Variants in ALCAM observed in about 807,000 individuals in gnomAD.
ALCAM encodes activated leukocyte cell adhesion molecule.
A neutral mutation model predicts 70.9 loss-of-function variants in ALCAM; 30 were observed. The observed-to-expected ratio is 0.42, with a 90% CI of 0.32 to 0.57. The LOEUF (loss-of-function observed/expected upper bound fraction) is 0.57, where lower values mean the gene tolerates loss of function less well. ALCAM is among the 20% of genes least tolerant of loss of function. The probability of loss-of-function intolerance (pLI) is 0.11; values close to 1 mark genes in which losing one functional copy is unlikely to be tolerated. For synonymous variants in ALCAM, 249 were observed against 242.5 expected (o/e 1.03, Z -0.25); for missense variants, 591 against 695.1 (o/e 0.85, Z 1.68).
chr3:105,438,660 A>G (rs554092565), intron 1 of ALCAM, among the ~76,000 whole-genome samples: 38 of 152,332 alleles, frequency 2.5e-4, no homozygotes, highest in African/African-American at 7.9e-4. Flanking sequence ...AATGTTGACT[A>G]ATGACAAAAA....
chr3:105,557,531 T>G (rs1304678872), intron 14 of ALCAM, among the ~76,000 whole-genome samples: 1 of 152,146 alleles, frequency 6.6e-6, no homozygotes, highest in Admixed American at 6.6e-5. Flanking sequence ...TTTCATTTTT[T>G]TAAAAAAGAT....
At chr3:105,471,409 A>G (rs1937922377) in intron 1 of ALCAM, among the ~76,000 whole-genome samples, 1 of 151,292 alleles carries the variant, frequency 6.6e-6, no homozygotes, top group Non-Finnish European at 1.5e-5. Flanking sequence ...AAGTGCACAA[A>G]TGGAAAATGG....
intron 7 of ALCAM, among the ~76,000 whole-genome samples, chr3:105,540,706 A>G (rs1050250825): frequency 2.6e-4 from 39 of 152,006 alleles, no homozygotes; most frequent in African/African-American, 8.5e-4. Flanking sequence ...CGCTCTGAGG[A>G]TGCCTGTTTG....
Position 105,574,610 on chromosome 3 carries a change from A to G in ALCAM, c.*159A>G, listed in dbSNP as rs1940922996. On this transcript the variant is annotated 3_prime_UTR_variant, in exon 16 of 16. Coordinates refer to ENST00000306107, the MANE Select transcript of ALCAM (RefSeq NM_001627.4). ...CCAAGCTGTCACAGGTTTTCAGAGAATTATCTCAAGTAAAACAAATGAAAT... is the reference window on the plus strand; with the variant it reads ...CCAAGCTGTCACAGGTTTTCAGAGAGTTATCTCAAGTAAAACAAATGAAAT... 1 of 152,650 alleles carries G rather than the reference A, an allele frequency of 6.6e-6. No individual in the cohort carries two copies. Among genetic ancestry groups the G allele is most frequent in the African/African-American group, 2.4e-5 (1 of 41,456 alleles). 9.5% of individuals were successfully genotyped at this position (152,650 alleles called of 1,614,324 possible). A position where few individuals can be genotyped will look rare whatever the true frequency, so the allele number is the denominator to read the frequency against.
intron 1 of ALCAM, among the ~76,000 whole-genome samples, chr3:105,485,504 T>C (rs1559807391): frequency 1.3e-5 from 2 of 152,022 alleles, no homozygotes; most frequent in Admixed American, 6.6e-5. Context: ...CAGTACATTT[T>C]AACCCAGAAA....
chr3:105,415,681 T>C (rs1421832877), intron 1 of ALCAM, among the ~76,000 whole-genome samples: 1 of 152,138 alleles, frequency 6.6e-6, no homozygotes, highest in Admixed American at 6.6e-5. Context: ...AAAATATTTG[T>C]TTTCTTTCTG....
chr3:105,568,063 A>ATTTTTTTTTTTTTTTTTTATTATTTTT (rs71111369), intron 14 of ALCAM, among the ~76,000 whole-genome samples: 1 of 116,956 alleles, frequency 8.6e-6, no homozygotes, highest in Non-Finnish European at 1.8e-5. Context: ...ATTTTATTTT[A>ATTTTTTTTTTTTTTTTTTATTATTTTT]TTTTTTTTTT....
At chr3:105,499,460 TC>T (rs1192520504) in intron 1 of ALCAM, among the ~76,000 whole-genome samples, 9 of 152,300 alleles carry the variant, frequency 5.9e-5, no homozygotes, top group Admixed American at 5.9e-4. Flanking sequence ...CTTTCTAAAT[TC>T]CAGGCCAAAA....
At chr3:105,394,268 T>C (rs1252723951) in intron 1 of ALCAM, among the ~76,000 whole-genome samples, 1 of 151,994 alleles carries the variant, frequency 6.6e-6, no homozygotes, top group Non-Finnish European at 1.5e-5. Context: ...CCCTGACATA[T>C]GACTCACTAC....
intron 1 of ALCAM, among the ~76,000 whole-genome samples, chr3:105,409,715 A>C (rs577409950): frequency 1.3e-5 from 2 of 152,186 alleles, no homozygotes; most frequent in South Asian, 4.1e-4. Context: ...ATTAAAAAAA[A>C]ATTAAAAAGA....
chr3:105,465,901 A>G (rs572946255), intron 1 of ALCAM, among the ~76,000 whole-genome samples: 1 of 151,466 alleles, frequency 6.6e-6, no homozygotes, highest in East Asian at 1.9e-4. Flanking sequence ...TTTAAACACA[A>G]GGAATGATAC....
chr3:105,398,534 A>T (rs186683087), intron 1 of ALCAM, among the ~76,000 whole-genome samples: 1 of 152,094 alleles, frequency 6.6e-6, no homozygotes, highest in South Asian at 2.1e-4. Context: ...ATCTTTTGGT[A>T]GCCATCCAGT....
At chr3:105,534,248 C>T (rs1939913955) in intron 5 of ALCAM, among the ~76,000 whole-genome samples, 1 of 152,136 alleles carries the variant, frequency 6.6e-6, no homozygotes, top group African/African-American at 2.4e-5. Flanking sequence ...CCATACCAGT[C>T]CTGGAGGTTG....
chr3:105,423,015 A>G (rs1278931093), intron 1 of ALCAM, among the ~76,000 whole-genome samples: 1 of 151,474 alleles, frequency 6.6e-6, no homozygotes, highest in Non-Finnish European at 1.5e-5. Flanking sequence ...TTCTAATGTA[A>G]GTTCCCATTG....
chr3:105,447,532 CT>C (rs1434257584), intron 1 of ALCAM, among the ~76,000 whole-genome samples: 1 of 152,172 alleles, frequency 6.6e-6, no homozygotes, highest in East Asian at 1.9e-4. Flanking sequence ...CATGCCATCT[CT>C]ACCAAGAAAT....
At chr3:105,533,026 G>C (rs768310357) in intron 4 of ALCAM, among the ~76,000 whole-genome samples, 3 of 152,114 alleles carry the variant, frequency 2.0e-5, no homozygotes, top group Admixed American at 2.0e-4. Flanking sequence ...GTTTTCCTTT[G>C]TTGGGAGATG....
chr3:105,487,062 C>A (rs1459338466), intron 1 of ALCAM, among the ~76,000 whole-genome samples: 1 of 151,822 alleles, frequency 6.6e-6, no homozygotes, highest in African/African-American at 2.4e-5. Context: ...AGAGATTTAT[C>A]TACAAGCTCT....
intron 1 of ALCAM, among the ~76,000 whole-genome samples, chr3:105,452,851 G>C (rs1356208011): frequency 6.6e-6 from 1 of 152,062 alleles, no homozygotes; most frequent in Non-Finnish European, 1.5e-5. Context: ...TCATATGTTT[G>C]TTGGCTGCAT....
chr3:105,550,356 T>C (rs1940361937), intron 12 of ALCAM, 97 bp downstream of exon 12: 1 of 1,217,808 alleles, frequency 8.2e-7, no homozygotes, highest in Non-Finnish European at 1.1e-6. Flanking sequence ...TACTGCATTA[T>C]GGTAAGTTTT....
Sources: gnomAD v4.1 joint callset for allele counts (sites outside exome capture counted in the v4.1 genomes callset) on GRCh38, gnomAD v4.1.1 for gene constraint, MANE v1.5 for transcripts, NCBI Gene and HGNC (gene_info 2026-07-23, HGNC 2026-07-21) for gene names.